The following ACAP2 variants were observed in gnomAD, a reference collection of about 807,000 sequenced individuals.
The protein encoded by ACAP2 is ArfGAP with coiled-coil, ankyrin repeat and PH domains 2.
ACAP2 carries 39 observed loss-of-function variants against 115.8 expected under a neutral mutation model. The ratio of observed to expected loss-of-function variants is 0.34; its 90% CI spans 0.26 to 0.44. The LOEUF (loss-of-function observed/expected upper bound fraction) is 0.44, where lower values mean the gene tolerates loss of function less well. Among genes scored for constraint, ACAP2 ranks in the 20% least tolerant of loss-of-function variants. The pLI is 1.00. For synonymous variants in ACAP2, 289 were observed against 315.8 expected (o/e 0.92, Z 0.90); for missense variants, 662 against 927.6 (o/e 0.71, Z 3.72).
chr3:195,433,064 C>T (rs1354400852), intron 1 of ACAP2, among the ~76,000 whole-genome samples: 1 of 152,068 alleles, frequency 6.6e-6, no homozygotes, highest in Non-Finnish European at 1.5e-5. Flanking sequence ...CCTTGGTATC[C>T]ATAGGACATT....
intron 2 of ACAP2, among the ~76,000 whole-genome samples, chr3:195,384,529 C>T (rs1166746564): frequency 4.6e-5 from 7 of 151,958 alleles, no homozygotes; most frequent in African/African-American, 1.5e-4. Flanking sequence ...GAGTTCAAGA[C>T]CAGCCTGGCC....
chr3:195,332,951 C>T (rs1730270734), intron 8 of ACAP2, 77 bp downstream of exon 8: 2 of 1,080,644 alleles, frequency 1.9e-6, no homozygotes, highest in Admixed American at 4.2e-5. Flanking sequence ...ACTAGTACAC[C>T]TCCAATATGC....
At chr3:195,440,245 C>CAA (rs941796036) in intron 1 of ACAP2, among the ~76,000 whole-genome samples, 1 of 147,218 alleles carries the variant, frequency 6.8e-6, no homozygotes, top group African/African-American at 2.5e-5. Flanking sequence ...CAATCCAAAA[C>CAA]AAAAAAAAAA....
chr3:195,340,283 C>G (rs147080937), intron 6 of ACAP2, among the ~76,000 whole-genome samples: 82 of 150,782 alleles, frequency 5.4e-4, no homozygotes, highest in Middle Eastern at 3.4e-3. Flanking sequence ...TCTCTCATTT[C>G]GAACTTCTAT....
intron 4 of ACAP2, among the ~76,000 whole-genome samples, chr3:195,374,068 C>T (rs999623274): frequency 3.9e-5 from 6 of 152,034 alleles, no homozygotes; most frequent in Non-Finnish European, 8.8e-5. Context: ...AGAGCAACTT[C>T]GGTGTAAACC....
intron 22 of ACAP2, 128 bp downstream of exon 22, chr3:195,285,668 G>T: frequency 1.4e-6 from 1 of 726,284 alleles, no homozygotes; most frequent in Non-Finnish European, 2.2e-6. Flanking sequence ...TTTACAAGTG[G>T]GTTATAAAAA....
At chr3:195,383,196 C>T (rs1046367719) in intron 2 of ACAP2, among the ~76,000 whole-genome samples, 2 of 151,960 alleles carry the variant, frequency 1.3e-5, no homozygotes, top group Non-Finnish European at 2.9e-5. Context: ...TTCTAAAGTT[C>T]ATATGGAGTA....
chr3:195,323,867 G>A (rs909312440), intron 9 of ACAP2, among the ~76,000 whole-genome samples: 2 of 151,726 alleles, frequency 1.3e-5, no homozygotes, highest in African/African-American at 2.4e-5. Flanking sequence ...GGTGACTACA[G>A]TCAAAATAAT....
Position 195,442,988 on chromosome 3 carries a change from A to C in ACAP2, c.-141T>G. On this transcript the variant is annotated 5_prime_UTR_variant, in exon 1 of 23. It removes an upstream start codon present in the reference 5' UTR. Coordinates refer to ENST00000326793, the MANE Select transcript of ACAP2 (RefSeq NM_012287.6). ...GCGAAGGGCGCCTCGCCCGCTGGTC[A>C]TAGCAGCCGCGAAGACGGCGACGAC... The C allele has an allele frequency of 1.5e-6, 1 of 689,428 alleles. No homozygotes were observed. The highest frequency in any genetic ancestry group is 2.2e-6 in the Non-Finnish European group (1 of 450,904). The allele number at this position is 689,428 out of a possible 1,614,324, so 42.7% of individuals were successfully genotyped here.
intron 15 of ACAP2, among the ~76,000 whole-genome samples, chr3:195,298,668 G>A (rs1279235538): frequency 6.9e-6 from 1 of 144,682 alleles, no homozygotes; most frequent in Non-Finnish European, 1.5e-5. Flanking sequence ...TTTCCCTCTT[G>A]TTGCCCAGGC....
chr3:195,401,225 C>A (rs971313211), intron 1 of ACAP2, among the ~76,000 whole-genome samples: 13 of 152,156 alleles, frequency 8.5e-5, no homozygotes, highest in Non-Finnish European at 1.9e-4. Context: ...ACAGGCTGCT[C>A]AACAATCACA....
intron 4 of ACAP2, among the ~76,000 whole-genome samples, chr3:195,349,047 T>C (rs932795856): frequency 5.3e-5 from 7 of 132,094 alleles, no homozygotes; most frequent in African/African-American, 1.7e-4. Flanking sequence ...ATCAGCTCTA[T>C]AGATAACACT....
intron 4 of ACAP2, among the ~76,000 whole-genome samples, chr3:195,363,642 CACACAA>C (rs201372032): frequency 3.6e-4 from 50 of 138,708 alleles, no homozygotes; most frequent in African/African-American, 1.2e-3. Flanking sequence ...CACACACACA[CACACAA>C]AAACAGAATA....
rs566041039 is a variant in ACAP2, at chr3:195,442,917, G to A, written c.-70C>T. 3.7e-4 allele frequency: 509 copies of A among 1,390,596 alleles called. No homozygotes were observed. Among genetic ancestry groups the A allele is most frequent in the Non-Finnish European group, 4.6e-4 (484 of 1,050,210 alleles). The allele number at this position is 1,390,596 out of a possible 1,614,324, so 86.1% of individuals were successfully genotyped here. ...GCGGGAGCGGCCGCGCTGGGACGCA[G>A]ACGGCTACGGCGGGCGCACGGCCGC... On this transcript the variant is annotated 5_prime_UTR_variant, in exon 1 of 23. Transcript: ENST00000326793.
At chr3:195,290,350 C>T (rs755181128) in intron 20 of ACAP2, among the ~76,000 whole-genome samples, 1 of 151,786 alleles carries the variant, frequency 6.6e-6, no homozygotes, top group Non-Finnish European at 1.5e-5. Context: ...CACACTCCAA[C>T]GTGAGCAACA....
Position 195,276,841 on chromosome 3 carries a change from T to G in ACAP2, c.*2487A>C, listed in dbSNP as rs1404706784. On this transcript the variant is annotated 3_prime_UTR_variant, in exon 23 of 23. Coordinates refer to ENST00000326793, the MANE Select transcript of ACAP2 (RefSeq NM_012287.6). Reference sequence around the variant, plus strand: ...ACTCCATCATTTCTGCCAAATGTAGTCCAAATTGGGTCTCAGCATATTCAA... The same window carrying G: ...ACTCCATCATTTCTGCCAAATGTAGGCCAAATTGGGTCTCAGCATATTCAA... 2 of 152,224 alleles carry G rather than the reference T, an allele frequency of 1.3e-5. No homozygotes were observed. Among genetic ancestry groups the G allele is most frequent in the South Asian group, 4.1e-4 (2 of 4,836 alleles). The allele number at this position is 152,224 out of a possible 1,614,324, so 9.4% of individuals were successfully genotyped here.
chr3:195,380,210 A>C (rs778428344), intron 4 of ACAP2, among the ~76,000 whole-genome samples: 2 of 152,190 alleles, frequency 1.3e-5, no homozygotes, highest in African/African-American at 2.4e-5. Flanking sequence ...GCATAGCTAA[A>C]ATTTGAACTA....
In ACAP2 at chr3:195,367,052, C is replaced by CAAAA. The variant is rs35590029; in HGVS notation, c.285+13953_285+13956dup. Among the ~76,000 whole-genome samples, 258 of 76,202 alleles carry CAAAA rather than the reference C, an allele frequency of 3.4e-3. 3 individuals are homozygous for CAAAA. The highest frequency in any genetic ancestry group is 0.01 in the African/African-American group (222 of 21,484). 50.0% of individuals were successfully genotyped at this position (76,202 alleles called of 152,430 possible). A position where few individuals can be genotyped will look rare whatever the true frequency, so the allele number is the denominator to read the frequency against. On this transcript the variant is annotated intron_variant, in intron 4 of 22. Transcript: ENST00000326793. ...AAACTTATATGCCCCCCAACCCCGC[C>CAAAA]AAAAAAAAAAAAAAAAAAACGGCAA...
chr3:195,297,065 A>G lies in ACAP2; in HGVS notation c.1487+125T>C, dbSNP rs910963769. Reference sequence around the variant, plus strand: ...CATACCGAAGAAAGAGATAGCCAACATTCGAACAGAAGTGGTAATGACTGC... The same window carrying G: ...CATACCGAAGAAAGAGATAGCCAACGTTCGAACAGAAGTGGTAATGACTGC... On this transcript the variant is annotated intron_variant, in intron 16 of 22. Transcript: ENST00000326793. 1.5e-5 allele frequency: 11 copies of G among 758,154 alleles called. No individual in the cohort carries two copies. In the African/African-American group the frequency reaches 1.9e-4, roughly 13 times the overall value. 47.0% of individuals were successfully genotyped at this position (758,154 alleles called of 1,614,324 possible). A position where few individuals can be genotyped will look rare whatever the true frequency, so the allele number is the denominator to read the frequency against.
Sources: allele counts gnomAD v4.1 joint callset (sites outside exome capture counted in the v4.1 genomes callset), GRCh38; gene constraint gnomAD v4.1.1; transcripts MANE v1.5; gene names NCBI Gene and HGNC (gene_info 2026-07-23, HGNC 2026-07-21).